CNNM2: variants seen among roughly 807,000 people sequenced by gnomAD.
CNNM2 encodes the protein metal transporter CNNM2.
Under a neutral mutation model 66.9 loss-of-function variants are expected in CNNM2, and 12 were observed. That is an observed-to-expected ratio of 0.18 (90% confidence interval 0.11 to 0.29). The LOEUF (loss-of-function observed/expected upper bound fraction) is 0.29. CNNM2 is among the 10% of genes least tolerant of loss of function. The pLI is 1.00. For missense variants in CNNM2, 705 were observed against 1,167.7 expected, an observed-to-expected ratio of 0.60 and a Z score of 5.77; for synonymous variants, 557 against 501.8, an observed-to-expected ratio of 1.11 and a Z score of -1.47.
intron 1 of CNNM2, among the ~76,000 whole-genome samples, chr10:102,946,445 A>C (rs1375590430): frequency 1.3e-5 from 2 of 152,156 alleles, no homozygotes; most frequent in Non-Finnish European, 2.9e-5. Flanking sequence ...GGGATACCTA[A>C]AAGCAATTAG....
chr10:103,016,934 CT>C (rs527403817), intron 1 of CNNM2, among the ~76,000 whole-genome samples: 8 of 149,614 alleles, frequency 5.3e-5, no homozygotes, highest in African/African-American at 9.8e-5. Flanking sequence ...CAACATAGGG[CT>C]TTTTTTTTGG....
At chr10:103,032,986 C>T (rs1269542377) in intron 1 of CNNM2, among the ~76,000 whole-genome samples, 1 of 151,200 alleles carries the variant, frequency 6.6e-6, no homozygotes, top group African/African-American at 2.4e-5. Context: ...GATGTGGCTA[C>T]CCATGCCTGT....
chr10:102,936,907 A>G (rs1846260430), intron 1 of CNNM2, among the ~76,000 whole-genome samples: 1 of 152,234 alleles, frequency 6.6e-6, no homozygotes, highest in Non-Finnish European at 1.5e-5. Context: ...TACAGAATTG[A>G]AATGTATTTA....
chr10:102,994,357 CG>C (rs1201933194), intron 1 of CNNM2, among the ~76,000 whole-genome samples: 2 of 152,138 alleles, frequency 1.3e-5, no homozygotes, highest in Non-Finnish European at 2.9e-5. Context: ...ACAAAATTGC[CG>C]GAAGGGCTGA....
At chr10:102,956,532 G>A (rs891008762) in intron 1 of CNNM2, among the ~76,000 whole-genome samples, 1 of 152,240 alleles carries the variant, frequency 6.6e-6, no homozygotes, top group Admixed American at 6.6e-5. Context: ...TATGTTTATT[G>A]TGGCACTATT....
chr10:103,071,585 C>G (rs1316009992), intron 5 of CNNM2, among the ~76,000 whole-genome samples, 189 bp from the exon 6 acceptor site: 1 of 152,188 alleles, frequency 6.6e-6, no homozygotes, highest in South Asian at 2.1e-4. Context: ...ATCTTGGCCT[C>G]CCTGTATTCC....
intron 1 of CNNM2, among the ~76,000 whole-genome samples, chr10:102,998,245 G>T (rs1051309214): frequency 5.9e-5 from 9 of 152,212 alleles, no homozygotes. Context: ...TTGCAGAGCA[G>T]TTTTACCTGT....
chr10:102,953,248 A>G (rs1223522352), intron 1 of CNNM2, among the ~76,000 whole-genome samples: 2 of 152,240 alleles, frequency 1.3e-5, no homozygotes, highest in South Asian at 2.1e-4. Flanking sequence ...AGGTGATAAT[A>G]ATTGTAGCTT....
At position 102,918,335 on chromosome 10, in the gene CNNM2, T is replaced by G. The variant is rs552939492; in HGVS notation, c.-146T>G. 39 of 1,343,536 alleles carry G rather than the reference T, an allele frequency of 2.9e-5. No individual in the cohort carries two copies. Among genetic ancestry groups the G allele is most frequent in the Non-Finnish European group, 3.8e-5 (39 of 1,021,418 alleles). 83.2% of individuals were successfully genotyped at this position (1,343,536 alleles called of 1,614,324 possible). ...CCCGCGAGCCTCGGGGTTCCTCAGC[T>G]GGCTGAGGTGGAGTCAGTGTCAGTC... On this transcript the variant is annotated 5_prime_UTR_variant, in exon 1 of 8. Transcript: ENST00000369878. This position sits in a 1 kb window ranked among gnomAD's most constrained non-coding sequence, Gnocchi z 4.1.
At chr10:103,000,578 C>T (rs1177977133) in intron 1 of CNNM2, among the ~76,000 whole-genome samples, 1 of 152,016 alleles carries the variant, frequency 6.6e-6, no homozygotes, top group Non-Finnish European at 1.5e-5. Context: ...CTTTCCCTCC[C>T]AAGTAGCTGG....
intron 5 of CNNM2, among the ~76,000 whole-genome samples, chr10:103,070,404 C>A (rs2065557044): frequency 6.6e-6 from 1 of 152,236 alleles, no homozygotes; most frequent in South Asian, 2.1e-4. Flanking sequence ...ATGCAGTGAT[C>A]CTCACACAAG....
In CNNM2 at chr10:103,085,348, ACT is replaced by A. The variant is rs1417384229; in HGVS notation, c.*8174_*8175del. 1.3e-5 allele frequency: 2 copies of A among 152,164 alleles called. No homozygotes were observed. The highest frequency in any genetic ancestry group is 4.8e-5 in the African/African-American group (2 of 41,428). 9.4% of individuals were successfully genotyped at this position (152,164 alleles called of 1,614,324 possible). A position where few individuals can be genotyped will look rare whatever the true frequency, so the allele number is the denominator to read the frequency against. On this transcript the variant is annotated 3_prime_UTR_variant, in exon 8 of 8. Transcript: ENST00000369878. ...AGTCAAAGATAACTCTGGTGAGAAC[ACT>A]CTCTCAAAGACTGGACACTGAGTAA...
intron 4 of CNNM2, 34 bp from the exon 5 acceptor site, chr10:103,068,595 C>G: frequency 6.4e-7 from 1 of 1,561,366 alleles, no homozygotes; most frequent in Non-Finnish European, 8.7e-7. Flanking sequence ...GCTTTTGCAA[C>G]TGGACTGAAA....
chr10:103,039,027 T>C (rs889928681), intron 1 of CNNM2, among the ~76,000 whole-genome samples: 2 of 152,176 alleles, frequency 1.3e-5, no homozygotes, highest in Non-Finnish European at 2.9e-5. Context: ...ACACACAGTT[T>C]GTTTTTATTT....
intron 6 of CNNM2, among the ~76,000 whole-genome samples, chr10:103,074,944 G>C (rs566200853): frequency 6.6e-6 from 1 of 152,306 alleles, no homozygotes; most frequent in Admixed American, 6.5e-5. Flanking sequence ...GAGATGAACA[G>C]CTGCAAGATT....
chr10:102,988,311 T>C (rs2063834349), intron 1 of CNNM2, among the ~76,000 whole-genome samples: 1 of 151,844 alleles, frequency 6.6e-6, no homozygotes, highest in East Asian at 1.9e-4. Context: ...AAAAAAATAA[T>C]AATAGAAATA....
In CNNM2 at chr10:103,019,439, G is replaced by A. The variant is rs185261078; in HGVS notation, c.1622-30268G>A. On this transcript the variant is annotated intron_variant, in intron 1 of 7. Transcript: ENST00000369878. Reference sequence around the variant, plus strand: ...GTTGAGCAAGTGGGGACAGTGAATAGAGACAGCTCTCCTAAGGCTTTTGGT... The same window carrying A: ...GTTGAGCAAGTGGGGACAGTGAATAAAGACAGCTCTCCTAAGGCTTTTGGT... 2.1e-3 allele frequency among the ~76,000 whole-genome samples: 318 copies of A among 152,304 alleles called. 1 individual carries two copies. Among genetic ancestry groups the A allele is most frequent in the Non-Finnish European group, 3.5e-3 (238 of 68,016 alleles).
chr10:102,996,012 G>A (rs1341533844), intron 1 of CNNM2, among the ~76,000 whole-genome samples: 2 of 152,156 alleles, frequency 1.3e-5, no homozygotes, highest in Non-Finnish European at 2.9e-5. Context: ...ATAGTTTGGA[G>A]TTTTTAAGGA....
intron 1 of CNNM2, among the ~76,000 whole-genome samples, chr10:102,931,362 T>C (rs1366062666): frequency 2.0e-5 from 3 of 150,414 alleles, no homozygotes; most frequent in East Asian, 3.9e-4. Flanking sequence ...CTTTCTTTTT[T>C]TTTTTTTTTT....
Sources: gnomAD v4.1 joint callset for allele counts (sites outside exome capture counted in the v4.1 genomes callset) on GRCh38, gnomAD v4.1.1 for gene constraint, Gnocchi (gnomAD v3.1) non-coding constraint, MANE v1.5 for transcripts, NCBI Gene and HGNC (gene_info 2026-07-23, HGNC 2026-07-21) for gene names.